Variants in RAD51B observed in about 807,000 individuals in gnomAD.
The protein encoded by RAD51B is RAD51 paralog B, also known as DNA repair protein RAD51 homolog 2.
In RAD51B, 38 loss-of-function variants were observed where a neutral mutation model predicts 42.2. The ratio of observed to expected loss-of-function variants is 0.90; its 90% CI spans 0.70 to 1.18. The LOEUF is 1.18. Among genes scored for constraint, RAD51B ranks in the 50% most tolerant of loss-of-function variants. The probability of loss-of-function intolerance (pLI) is 0.00; values close to 1 mark genes in which losing one functional copy is unlikely to be tolerated. For missense variants in RAD51B, 373 were observed against 400.7 expected, an observed-to-expected ratio of 0.93 and a Z score of 0.59; for synonymous variants, 154 against 145.2, an observed-to-expected ratio of 1.06 and a Z score of -0.43.
intron 8 of RAD51B, among the ~76,000 whole-genome samples, chr14:68,346,477 A>G (rs2082680319): frequency 6.6e-6 from 1 of 151,866 alleles, no homozygotes; most frequent in Non-Finnish European, 1.5e-5. Context: ...CCAAACAACC[A>G]CTCGATCATC....
chr14:68,073,416 A>G (rs1366870195), intron 7 of RAD51B, among the ~76,000 whole-genome samples: 2 of 151,952 alleles, frequency 1.3e-5, no homozygotes, highest in African/African-American at 4.8e-5. Flanking sequence ...TTACTTTCCC[A>G]CTGTATGTGA....
chr14:68,343,762 C>G (rs939922446), intron 8 of RAD51B, among the ~76,000 whole-genome samples: 12 of 152,266 alleles, frequency 7.9e-5, no homozygotes, highest in African/African-American at 2.9e-4. Context: ...GTTTCAGGGA[C>G]CAGGCCTGGG....
At chr14:68,234,202 G>A (rs562105310) in intron 7 of RAD51B, among the ~76,000 whole-genome samples, 7 of 152,320 alleles carry the variant, frequency 4.6e-5, no homozygotes, top group African/African-American at 1.7e-4. Flanking sequence ...GAACTCAGAT[G>A]TCTGGATGGG....
chr14:68,427,086 A>G (rs2084869286), intron 9 of RAD51B, among the ~76,000 whole-genome samples: 1 of 152,264 alleles, frequency 6.6e-6, no homozygotes. Flanking sequence ...GGCATGCAGA[A>G]TGTATGAGCT....
chr14:68,475,717 G>A (rs1566905225), intron 10 of RAD51B, among the ~76,000 whole-genome samples: 1 of 151,654 alleles, frequency 6.6e-6, no homozygotes, highest in Non-Finnish European at 1.5e-5. Context: ...CAAAATATCA[G>A]TTGAAATAAC....
At chr14:68,279,896 A>T (rs1166837061) in intron 7 of RAD51B, among the ~76,000 whole-genome samples, 3 of 152,146 alleles carry the variant, frequency 2.0e-5, no homozygotes, top group Admixed American at 6.5e-5. Flanking sequence ...TGAGAAGACA[A>T]ATGCCCAAAT....
chr14:67,978,046 GA>G (rs1215545056), intron 7 of RAD51B, among the ~76,000 whole-genome samples: 1 of 152,088 alleles, frequency 6.6e-6, no homozygotes, highest in Non-Finnish European at 1.5e-5. Flanking sequence ...AGTTTTATAA[GA>G]GGAGTATTTG....
chr14:68,499,705 G>C (rs965730957), intron 10 of RAD51B, among the ~76,000 whole-genome samples: 1 of 152,126 alleles, frequency 6.6e-6, no homozygotes, highest in Admixed American at 6.5e-5. Flanking sequence ...ACAAAGAGGA[G>C]GAGGCAGTGT....
At chr14:68,312,221 C>A (rs982995620) in intron 8 of RAD51B, among the ~76,000 whole-genome samples, 1 of 152,168 alleles carries the variant, frequency 6.6e-6, no homozygotes, top group Non-Finnish European at 1.5e-5. Context: ...GCTCAGCCTG[C>A]ACTGACACTT....
At chr14:67,895,683 A>T (rs1056600222) in intron 7 of RAD51B, among the ~76,000 whole-genome samples, 2 of 152,166 alleles carry the variant, frequency 1.3e-5, no homozygotes, top group African/African-American at 4.8e-5. Context: ...TGCTCTAATT[A>T]ATATTTATTG....
chr14:67,908,978 A>G (rs2043874648), intron 7 of RAD51B: 1 of 152,300 alleles, frequency 6.6e-6, no homozygotes, highest in Middle Eastern at 3.4e-3. Flanking sequence ...CTCTTTCATT[A>G]GTGTACAAGT....
At chr14:68,140,374 T>C (rs929952040) in intron 7 of RAD51B, among the ~76,000 whole-genome samples, 16 of 152,142 alleles carry the variant, frequency 1.1e-4, no homozygotes, top group Non-Finnish European at 1.9e-4. Context: ...AAGGGAGTCA[T>C]TACTGAAAGT....
intron 10 of RAD51B, chr14:68,594,351 T>G: frequency 1.3e-6 from 1 of 770,270 alleles, no homozygotes; most frequent in Non-Finnish European, 1.9e-6. Context: ...TCTACCGTTA[T>G]GTACATTCCT....
At chr14:68,163,843 C>T (rs1165626134) in intron 7 of RAD51B, among the ~76,000 whole-genome samples, 1 of 152,130 alleles carries the variant, frequency 6.6e-6, no homozygotes, top group African/African-American at 2.4e-5. Context: ...CACCCAAGTT[C>T]TTACTCGTTA....
At chr14:67,820,287 C>A (rs1242927510) in intron 1 of RAD51B, among the ~76,000 whole-genome samples, 1 of 152,190 alleles carries the variant, frequency 6.6e-6, no homozygotes, top group Admixed American at 6.5e-5. Flanking sequence ...AGCTGTTTAA[C>A]TTTGCCCAAG....
intron 10 of RAD51B, among the ~76,000 whole-genome samples, chr14:68,500,899 A>G (rs1180216153): frequency 6.6e-6 from 1 of 152,204 alleles, no homozygotes; most frequent in Non-Finnish European, 1.5e-5. Context: ...CTGGCTGTTA[A>G]GAAGAGCTCT....
chr14:68,304,783 C>CT (rs1595685349), intron 8 of RAD51B, among the ~76,000 whole-genome samples: 1 of 152,280 alleles, frequency 6.6e-6, no homozygotes, highest in South Asian at 2.1e-4. Flanking sequence ...GCTGGCAGGC[C>CT]TTTCAGTTTG....
In RAD51B at chr14:68,641,602, T is replaced by G. The variant is rs1892462910; in HGVS notation, c.1037-9179T>G. ...GATTTTTTGTAGATATTCTTTATCATGTTGAGGAAATTCCCCTGTATTTCT... is the reference window on the plus strand; with the variant it reads ...GATTTTTTGTAGATATTCTTTATCAGGTTGAGGAAATTCCCCTGTATTTCT... On this transcript the variant is annotated intron_variant, in intron 10 of 11. Transcript: ENST00000488612. 2.6e-5 allele frequency among the ~76,000 whole-genome samples: 3 copies of G among 116,986 alleles called. No homozygotes were observed. The South Asian group carries it at 7.3e-4, about 28-fold the overall frequency. 76.7% of individuals were successfully genotyped at this position (116,986 alleles called of 152,430 possible).
chr14:68,390,352 G>C (rs1359135370), intron 8 of RAD51B, among the ~76,000 whole-genome samples: 1 of 152,106 alleles, frequency 6.6e-6, no homozygotes, highest in Non-Finnish European at 1.5e-5. Flanking sequence ...TATCATTTTG[G>C]TTTACTTGCT....
Sources: gnomAD v4.1 joint callset for allele counts (sites outside exome capture counted in the v4.1 genomes callset) on GRCh38, gnomAD v4.1.1 for gene constraint, MANE v1.5 for transcripts, NCBI Gene and HGNC (gene_info 2026-07-23, HGNC 2026-07-21) for gene names.